The following PNPLA1 variants were observed in gnomAD, a reference collection of about 807,000 sequenced individuals.
PNPLA1 encodes the protein omega-hydroxyceramide transacylase.
Under a neutral mutation model 51.7 loss-of-function variants are expected in PNPLA1, and 36 were observed. That is an observed-to-expected ratio of 0.70 (90% CI 0.53 to 0.92). PNPLA1 has a LOEUF of 0.92. PNPLA1 is among the 40% of genes least tolerant of loss of function. The pLI is 0.00. For missense variants in PNPLA1, 658 were observed against 682.5 expected (o/e 0.96, Z 0.40); for synonymous variants, 293 against 280.1 (o/e 1.05, Z -0.46).
At chr6:36,256,216 C>T (rs571950111) in intron 1 of PNPLA1, among the ~76,000 whole-genome samples, 1 of 151,950 alleles carries the variant, frequency 6.6e-6, no homozygotes, top group African/African-American at 2.4e-5. Flanking sequence ...GTCAGTCAGG[C>T]ATGGTGGCTC....
At chr6:36,267,949 G>C (rs559897648), upstream of PNPLA1, among the ~76,000 whole-genome samples, 2 of 152,256 alleles carry the variant, frequency 1.3e-5, no homozygotes, top group South Asian at 2.1e-4. Flanking sequence ...CCTCAGCCTT[G>C]ACTCACCCTG....
Position 36,288,738 on chromosome 6 carries a change from G to A in PNPLA1, c.206-2582G>A, listed in dbSNP as rs946348245. ...CTCCCAAAGTGCTGGGATTACAGGC[G>A]TGAGCCACCATGCCCGGCTGGAGAC... On this transcript the variant is annotated intron_variant, in intron 1 of 8. Transcript: ENST00000636260. Among the ~76,000 whole-genome samples the A allele has an allele frequency of 5.9e-5, 9 of 152,044 alleles. No individual in the cohort carries two copies. In the Middle Eastern group the frequency reaches 0.01, roughly 172 times the overall value.
intron 8 of PNPLA1, among the ~76,000 whole-genome samples, chr6:36,310,589 A>T (rs1054303201): frequency 6.6e-6 from 1 of 152,224 alleles, no homozygotes; most frequent in African/African-American, 2.4e-5. Context: ...TACAACTTAC[A>T]TAGTACTTAC....
Position 36,270,267 on chromosome 6 carries a change from G to A in PNPLA1, c.-193G>A, listed in dbSNP as rs967355154. ...CCAACCTTTGGAGTTGCCTCCTGGC[G>A]GAGCTTAACAGGCTGAGGCAGCTTC... On this transcript the variant is annotated 5_prime_UTR_variant, in exon 1 of 9. Coordinates refer to ENST00000636260, the MANE Select transcript of PNPLA1 (RefSeq NM_001374623.1). Among the ~76,000 whole-genome samples the A allele has an allele frequency of 2.0e-5, 3 of 152,248 alleles. No individual in the cohort carries two copies. Among genetic ancestry groups the A allele is most frequent in the East Asian group, 1.9e-4 (1 of 5,204 alleles).
At chr6:36,253,053 A>C (rs1168095212) in intron 1 of PNPLA1, among the ~76,000 whole-genome samples, 1 of 152,056 alleles carries the variant, frequency 6.6e-6, no homozygotes, top group African/African-American at 2.4e-5. Context: ...GGTGGCATGC[A>C]CCTGTAGTCC....
At chr6:36,288,035 T>C (rs993547290) in intron 1 of PNPLA1, among the ~76,000 whole-genome samples, 2 of 152,182 alleles carry the variant, frequency 1.3e-5, no homozygotes, top group African/African-American at 2.4e-5. Flanking sequence ...CACCCAACCC[T>C]ACCCCTGAAT....
upstream of PNPLA1, among the ~76,000 whole-genome samples, chr6:36,265,329 G>A (rs1230922083): frequency 2.0e-5 from 3 of 152,112 alleles, no homozygotes; most frequent in East Asian, 1.9e-4. Flanking sequence ...CAACAAAAGC[G>A]AAACTCTGTC....
At chr6:36,287,860 G>A (rs552353183) in intron 1 of PNPLA1, among the ~76,000 whole-genome samples, 2 of 152,246 alleles carry the variant, frequency 1.3e-5, no homozygotes, top group African/African-American at 4.8e-5. Flanking sequence ...TCAGCCAGCA[G>A]CAGGAGAGCT....
At chr6:36,310,912 G>C (rs1771393909) in intron 8 of PNPLA1, among the ~76,000 whole-genome samples, 1 of 152,226 alleles carries the variant, frequency 6.6e-6, no homozygotes, top group African/African-American at 2.4e-5. Context: ...GAAGCATCCT[G>C]TGTAATTCTG....
chr6:36,277,813 A>G (rs888382311), intron 1 of PNPLA1, among the ~76,000 whole-genome samples: 1 of 152,222 alleles, frequency 6.6e-6, no homozygotes, highest in Non-Finnish European at 1.5e-5. Flanking sequence ...GCAGTGAACT[A>G]TGATTCTGCC....
chr6:36,264,036 C>A (rs1442524812), intron 1 of PNPLA1, among the ~76,000 whole-genome samples: 1 of 152,174 alleles, frequency 6.6e-6, no homozygotes. Context: ...CCCTTCTGCC[C>A]CATGACCGAA....
upstream of PNPLA1, among the ~76,000 whole-genome samples, chr6:36,269,192 C>T (rs1267278337): frequency 6.6e-6 from 1 of 152,206 alleles, no homozygotes. Context: ...CCTGGATTGG[C>T]ACTTGGTGGA....
At chr6:36,266,529 A>G (rs2127321470), upstream of PNPLA1, among the ~76,000 whole-genome samples, 2 of 152,258 alleles carry the variant, frequency 1.3e-5, no homozygotes, top group Middle Eastern at 6.8e-3. Flanking sequence ...CCAAGAAGCA[A>G]TCCAGCAGAG....
chr6:36,269,957 C>T (rs899558019), upstream of PNPLA1, among the ~76,000 whole-genome samples: 2 of 152,208 alleles, frequency 1.3e-5, no homozygotes, highest in Non-Finnish European at 1.5e-5. Context: ...AAGCCCTTCA[C>T]GGCCGCAGCA....
intron 6 of PNPLA1, 132 bp downstream of exon 6, chr6:36,302,601 T>C: frequency 8.0e-7 from 1 of 1,244,816 alleles, no homozygotes; most frequent in South Asian, 1.5e-5. Context: ...TTAGCATCTC[T>C]GTCCATTATG....
Position 36,306,365 on chromosome 6 carries a change from G to A in PNPLA1, c.1458G>A (p.Lys486=), listed in dbSNP as rs758032489. ...PLVHVKETVS[K]PYVTESPAED... The stretch of plus-strand genomic sequence containing the variant: ...TTCATGTGAAGGAAACCGTCAGCAA[G>A]CCTTATGTAACGTAAGTTTCCCCTT... The change falls in exon 7 of 9, where the codon AAG becomes AAA. Residue 486 remains lysine (K), a synonymous_variant. Transcript: ENST00000636260. The A allele has an allele frequency of 5.6e-6, 9 of 1,612,116 alleles. No homozygotes were observed. Among genetic ancestry groups the A allele is most frequent in the African/African-American group, 1.3e-5 (1 of 74,746 alleles).
Position 36,306,381 on chromosome 6 carries a change from G to A in PNPLA1, c.1469+5G>A. ...CGTCAGCAAGCCTTATGTAACGTAA[G>A]TTTCCCCTTCGTGGAGCACGCTCTT... On this transcript the variant is annotated splice_donor_5th_base_variant and intron_variant, in intron 7 of 8. Coordinates refer to ENST00000636260, the MANE Select transcript of PNPLA1 (RefSeq NM_001374623.1). 6.2e-7 allele frequency: 1 copy of A among 1,606,936 alleles called. No homozygotes were observed. Among genetic ancestry groups the A allele is most frequent in the Non-Finnish European group, 8.5e-7 (1 of 1,177,062 alleles).
At position 36,308,798 on chromosome 6, in the gene PNPLA1, G is replaced by A. The variant is rs557042515; in HGVS notation, c.1595+1086G>A. ...GAGAGCCTCAGATTCAAACCAAGTCGGGTATTATTTACAGTTATTTCATTG... is the reference window on the plus strand; with the variant it reads ...GAGAGCCTCAGATTCAAACCAAGTCAGGTATTATTTACAGTTATTTCATTG... On this transcript the variant is annotated intron_variant, in intron 8 of 8. Coordinates refer to ENST00000636260, the MANE Select transcript of PNPLA1 (RefSeq NM_001374623.1). Among the ~76,000 whole-genome samples, 5 of 152,150 alleles carry A rather than the reference G, an allele frequency of 3.3e-5. No individual in the cohort carries two copies. The East Asian group carries it at 5.8e-4, about 18-fold the overall frequency.
chr6:36,302,595 C>A, intron 6 of PNPLA1, 126 bp downstream of exon 6: 2 of 1,270,388 alleles, frequency 1.6e-6, no homozygotes, highest in Non-Finnish European at 2.1e-6. Context: ...TGAGCTTTAG[C>A]ATCTCTGTCC....
Sources: gnomAD v4.1 joint callset for allele counts (sites outside exome capture counted in the v4.1 genomes callset) on GRCh38, gnomAD v4.1.1 for gene constraint, MANE v1.5 for transcripts, NCBI Gene and HGNC (gene_info 2026-07-23, HGNC 2026-07-21) for gene names.